Variants in ZNF723 observed in about 807,000 individuals in gnomAD.
The protein encoded by ZNF723 is zinc finger protein 723.
ZNF723 carries 5 observed loss-of-function variants against 9.4 expected under a neutral mutation model. The observed-to-expected ratio is 0.53, with a 90% CI of 0.28 to 1.12. The LOEUF (loss-of-function observed/expected upper bound fraction) is 1.12. Among genes scored for constraint, ZNF723 ranks in the 50% most tolerant of loss-of-function variants. ZNF723 has a pLI of 0.10. For synonymous variants in ZNF723, 158 were observed against 168.8 expected (o/e 0.94, Z 0.49); for missense variants, 450 against 501.5 (o/e 0.90, Z 0.98).
chr19:22,825,707 G>A, the ZNF723 span, among the ~76,000 whole-genome samples: 1 of 152,282 alleles, frequency 6.6e-6, no homozygotes, highest in East Asian at 1.9e-4. Flanking sequence ...CCCACATTAG[G>A]GATGGTGACA....
intron 1 of ZNF723, among the ~76,000 whole-genome samples, chr19:22,835,524 GTTTGTTTGTT>G (rs1244752915): frequency 2.0e-5 from 3 of 151,850 alleles, no homozygotes; most frequent in Non-Finnish European, 4.4e-5. Context: ...CGTTTTTTTT[GTTTGTTTGTT>G]TTTGTTTGTT....
At chr19:22,835,558 G>A (rs952016522) in intron 1 of ZNF723, among the ~76,000 whole-genome samples, 1 of 152,050 alleles carries the variant, frequency 6.6e-6, no homozygotes, top group African/African-American at 2.4e-5. Flanking sequence ...CCCAGAATGA[G>A]TTTAGGAAAC....
At chr19:22,852,516 T>G (rs1967411876) in intron 3 of ZNF723, among the ~76,000 whole-genome samples, 1 of 152,174 alleles carries the variant, frequency 6.6e-6, no homozygotes, top group African/African-American at 2.4e-5. Flanking sequence ...TGAATGGTTG[T>G]TTAATCTTTT....
intron 1 of ZNF723, among the ~76,000 whole-genome samples, chr19:22,845,025 A>C (rs938452611): frequency 8.5e-5 from 13 of 152,298 alleles, no homozygotes; most frequent in African/African-American, 3.1e-4. Context: ...AGGCTGAGGC[A>C]GGAGAATGGC....
the ZNF723 span, among the ~76,000 whole-genome samples, chr19:22,825,074 A>G: frequency 6.6e-6 from 1 of 152,296 alleles, no homozygotes; most frequent in South Asian, 2.1e-4. Flanking sequence ...ACCCAAATGT[A>G]AAAGTTGTCA....
At chr19:22,857,096 T>A (rs1486349589) in intron 3 of ZNF723, 22 bp from the exon 4 acceptor site, 2 of 799,412 alleles carry the variant, frequency 2.5e-6, no homozygotes, top group East Asian at 2.5e-5. Context: ...ATGAAGTAAT[T>A]TGTTATTTCT....
At chr19:22,832,440 G>T (rs1205517253) in intron 1 of ZNF723, 58 bp downstream of exon 1, 1 of 1,350,956 alleles carries the variant, frequency 7.4e-7, no homozygotes, top group Non-Finnish European at 1.0e-6. Context: ...GAACCGGTGG[G>T]AAGTGGCTGT....
At chr19:22,826,443 A>G in the ZNF723 span, among the ~76,000 whole-genome samples, 4 of 152,248 alleles carry the variant, frequency 2.6e-5, no homozygotes, top group Admixed American at 2.0e-4. Flanking sequence ...AAAGGATTAC[A>G]TCACTTACTC....
intron 1 of ZNF723, among the ~76,000 whole-genome samples, chr19:22,847,050 T>TAC (rs1967322100): frequency 6.7e-6 from 1 of 149,098 alleles, no homozygotes; most frequent in South Asian, 2.1e-4. Flanking sequence ...TTTTTTTTTT[T>TAC]ACTATAATTT....
At position 22,857,105 on chromosome 19, in the gene ZNF723, C is replaced by A. The variant is rs1057110369; in HGVS notation, c.227-13C>A. 2.3e-6 allele frequency: 2 copies of A among 851,806 alleles called. No homozygotes were observed. The highest frequency in any genetic ancestry group is 3.6e-6 in the Non-Finnish European group (2 of 554,028). 52.8% of individuals were successfully genotyped at this position (851,806 alleles called of 1,614,324 possible). A position where few individuals can be genotyped will look rare whatever the true frequency, so the allele number is the denominator to read the frequency against. On this transcript the variant is annotated splice_polypyrimidine_tract_variant and intron_variant, in intron 3 of 3. Transcript: ENST00000600766. ...AGTAAGATGAAGTAATTTGTTATTT[C>A]TATTTTTTTCAGTTGTGTGTTCTCA...
At chr19:22,816,414 G>A in the ZNF723 span, among the ~76,000 whole-genome samples, 2 of 152,156 alleles carry the variant, frequency 1.3e-5, no homozygotes, top group Admixed American at 1.3e-4. Context: ...TTCACTAAAG[G>A]GACACTGTCT....
chr19:22,816,550 A>C, the ZNF723 span, among the ~76,000 whole-genome samples: 1 of 152,196 alleles, frequency 6.6e-6, no homozygotes, highest in Admixed American at 6.5e-5. Flanking sequence ...CAGGATTGTT[A>C]ATCTCTTCTC....
rs1967508505 is a variant in ZNF723 at position 22,858,093 on chromosome 19, A to G, written c.1202A>G (p.Glu401Gly). ...HTGEKPYKCE[E>G]CGKAFNQSSA... ...GGAGAGAAACCCTACAAATGTGAAG[A>G]ATGTGGCAAAGCCTTTAACCAATCC... is the stretch of plus-strand genomic sequence containing the variant. Residue 401 changes from glutamate to glycine, a missense_variant, in exon 4 of 4, where the codon GAA (glutamate) becomes GGA (glycine). Glu to Gly is a moderately conservative substitution (Grantham distance 98, BLOSUM62 -2). Around this residue, in one of 5 missense-constraint regions of ZNF723, gnomAD observed 237 missense variants for 332.2 expected, o/e 0.71. Transcript: ENST00000600766. 6.7e-7 allele frequency: 1 copy of G among 1,499,946 alleles called. No homozygotes were observed. The highest frequency in any genetic ancestry group is 1.7e-5 in the Admixed American group (1 of 59,876). The allele number at this position is 1,499,946 out of a possible 1,614,324, so 92.9% of individuals were successfully genotyped here. A position where few individuals can be genotyped will look rare whatever the true frequency, so the allele number is the denominator to read the frequency against.
At chr19:22,846,236 A>G (rs1429553606) in intron 1 of ZNF723, among the ~76,000 whole-genome samples, 1 of 152,142 alleles carries the variant, frequency 6.6e-6, no homozygotes, top group Non-Finnish European at 1.5e-5. Flanking sequence ...AAAAGCTGGT[A>G]TCCTTAGTAA....
At chr19:22,849,443 T>C (rs977742358) in intron 3 of ZNF723, 150 bp downstream of exon 3, 7 of 421,008 alleles carry the variant, frequency 1.7e-5, no homozygotes, top group African/African-American at 1.4e-4. Context: ...TACTCTCACA[T>C]AGGGGCATCT....
At chr19:22,821,971 G>T in the ZNF723 span, among the ~76,000 whole-genome samples, 25,255 of 152,086 alleles carry the variant, frequency 0.17, 2,082 homozygotes, top group Non-Finnish European at 0.18. Context: ...TTAGCCAGTT[G>T]TGGTGGTGTG....
chr19:22,817,917 G>A, the ZNF723 span, among the ~76,000 whole-genome samples: 1 of 151,874 alleles, frequency 6.6e-6, no homozygotes, highest in Admixed American at 6.6e-5. Context: ...TGTGCACACT[G>A]TGCCAACCAT....
intron 1 of ZNF723, among the ~76,000 whole-genome samples, chr19:22,835,527 TG>T (rs1380210398): frequency 1.3e-5 from 2 of 152,258 alleles, no homozygotes; most frequent in East Asian, 3.9e-4. Flanking sequence ...TTTTTTTGTT[TG>T]TTTGTTTTTG....
At chr19:22,842,750 G>A (rs56209802) in intron 1 of ZNF723, among the ~76,000 whole-genome samples, 15,980 of 152,184 alleles carry the variant, frequency 0.11, 950 homozygotes, top group Middle Eastern at 0.16. Context: ...ACCCAAGAAT[G>A]AAGAGCCAGG....
Sources: gnomAD v4.1 joint callset for allele counts (sites outside exome capture counted in the v4.1 genomes callset) on GRCh38, gnomAD v4.1.1 for gene constraint, gnomAD v4.1.1 regional missense constraint, MANE v1.5 for transcripts, NCBI Gene and HGNC (gene_info 2026-07-23, HGNC 2026-07-21) for gene names.